AMMECR1: variants seen among roughly 807,000 people sequenced by gnomAD.
The protein encoded by AMMECR1 is AMMECR nuclear protein 1.
AMMECR1 carries 3 observed loss-of-function variants against 22.5 expected under a neutral mutation model. The observed-to-expected ratio is 0.13, with a 90% CI of 0.06 to 0.35. The LOEUF (loss-of-function observed/expected upper bound fraction) is 0.35, where lower values mean the gene tolerates loss of function less well. Ranked by LOEUF, AMMECR1 falls within the 10% of genes least tolerant of loss-of-function variation. The probability of loss-of-function intolerance (pLI) is 1.00; values close to 1 mark genes in which losing one functional copy is unlikely to be tolerated. For missense variants in AMMECR1, 235 were observed against 278.7 expected, an observed-to-expected ratio of 0.84 and a Z score of 1.12; for synonymous variants, 130 against 116.7, an observed-to-expected ratio of 1.11 and a Z score of -0.74.
chrX:110,271,741 C>T (rs767363007), intron 1 of AMMECR1, among the ~76,000 whole-genome samples: 1 of 111,110 alleles, frequency 9.0e-6, no homozygotes, highest in South Asian at 3.8e-4. Context: ...GGAAAAATAG[C>T]TGTGGGTTTT....
At chrX:110,204,321 A>G (rs769055685) in intron 3 of AMMECR1, among the ~76,000 whole-genome samples, 3 of 111,661 alleles carry the variant, frequency 2.7e-5, no homozygotes, top group Non-Finnish European at 5.7e-5. Context: ...AAAACCCGTC[A>G]TGTTAAAATT....
At chrX:110,285,727 GGTA>G (rs1030596012) in intron 1 of AMMECR1, among the ~76,000 whole-genome samples, 1 of 111,358 alleles carries the variant, frequency 9.0e-6, no homozygotes, top group African/African-American at 3.3e-5. Flanking sequence ...CTCAATACAT[GGTA>G]GTAGTAGTAG....
intron 2 of AMMECR1, among the ~76,000 whole-genome samples, chrX:110,400,430 T>C (rs2068556481): frequency 9.1e-6 from 1 of 109,576 alleles, no homozygotes; most frequent in Non-Finnish European, 1.9e-5. Context: ...CCATGCCATA[T>C]TGGTTATCAT....
intron 2 of AMMECR1, among the ~76,000 whole-genome samples, chrX:110,345,197 C>G (rs1212128414): frequency 2.7e-5 from 3 of 111,229 alleles, no homozygotes; most frequent in Non-Finnish European, 5.7e-5. Context: ...CCTTTGTAGG[C>G]ACATGGATGA....
intron 1 of AMMECR1, among the ~76,000 whole-genome samples, chrX:110,292,118 A>G (rs773766245): frequency 8.9e-6 from 1 of 112,326 alleles, no homozygotes; most frequent in South Asian, 3.7e-4. Flanking sequence ...TTGCTGCACT[A>G]TTTTTGTAAC....
chrX:110,376,798 G>T (rs2068379794), intron 2 of AMMECR1, among the ~76,000 whole-genome samples: 1 of 112,429 alleles, frequency 8.9e-6, no homozygotes, highest in African/African-American at 3.2e-5. Context: ...CTGCCTTGCA[G>T]AGGTGTGGGG....
intron 1 of AMMECR1, among the ~76,000 whole-genome samples, chrX:110,438,319 A>G (rs927823405): frequency 3.6e-5 from 4 of 111,863 alleles, no homozygotes; most frequent in African/African-American, 1.3e-4. Flanking sequence ...GGATGGAGAG[A>G]TTGGAAAGGC....
intron 1 of AMMECR1, among the ~76,000 whole-genome samples, chrX:110,428,101 C>T (rs1054006925): frequency 1.1e-4 from 12 of 112,244 alleles, no homozygotes; most frequent in African/African-American, 3.6e-4. Flanking sequence ...GAGCTAGGAT[C>T]CCCACCTGGC....
intron 2 of AMMECR1, among the ~76,000 whole-genome samples, chrX:110,238,563 T>C (rs766350019): frequency 6.2e-5 from 7 of 112,025 alleles, no homozygotes; most frequent in Non-Finnish European, 1.1e-4. Flanking sequence ...GACTTTCAGA[T>C]AAAAATCCTA....
At chrX:110,301,959 T>C (rs1217472114) in intron 1 of AMMECR1, among the ~76,000 whole-genome samples, 1 of 111,820 alleles carries the variant, frequency 8.9e-6, no homozygotes, top group Non-Finnish European at 1.9e-5. Context: ...CAAATAATTT[T>C]TCAAGCATTC....
intron 1 of AMMECR1, among the ~76,000 whole-genome samples, chrX:110,296,926 T>C (rs2067939294): frequency 9.0e-6 from 1 of 111,320 alleles, no homozygotes; most frequent in African/African-American, 3.3e-5. Flanking sequence ...AGTTTACTGT[T>C]GGTTTTAATT....
intron 2 of AMMECR1, among the ~76,000 whole-genome samples, chrX:110,382,442 G>C (rs1309211795): frequency 9.0e-6 from 1 of 111,313 alleles, no homozygotes; most frequent in East Asian, 2.8e-4. Context: ...AAGAGCAGAA[G>C]AGAAACTAAA....
intron 2 of AMMECR1, among the ~76,000 whole-genome samples, chrX:110,261,815 A>G: frequency 9.0e-6 from 1 of 111,676 alleles, no homozygotes; most frequent in East Asian, 2.8e-4. Context: ...AAACATAAAT[A>G]ATCAGAAAAT....
chrX:110,408,037 G>A (rs991365833), intron 2 of AMMECR1, among the ~76,000 whole-genome samples: 6 of 112,721 alleles, frequency 5.3e-5, no homozygotes, highest in African/African-American at 1.9e-4. Flanking sequence ...TGTTGGGATG[G>A]AGCAGGAAAC....
At chrX:110,279,957 C>A (rs1381936240) in intron 1 of AMMECR1, among the ~76,000 whole-genome samples, 1 of 111,477 alleles carries the variant, frequency 9.0e-6, no homozygotes, top group Non-Finnish European at 1.9e-5. Flanking sequence ...TATAAAAGGG[C>A]ATTTTTCAAA....
intron 3 of AMMECR1, among the ~76,000 whole-genome samples, chrX:110,203,979 G>A (rs2067409699): frequency 9.0e-6 from 1 of 111,266 alleles, no homozygotes; most frequent in Non-Finnish European, 1.9e-5. Flanking sequence ...CTAAAAATGC[G>A]ACCAGGGTAG....
intron 1 of AMMECR1, among the ~76,000 whole-genome samples, chrX:110,293,377 C>T (rs1424666909): frequency 9.0e-6 from 1 of 111,701 alleles, no homozygotes; most frequent in East Asian, 2.8e-4. Context: ...TATTTTCCTT[C>T]ATCTAGTTTA....
In AMMECR1 at chrX:110,317,856, G is replaced by A. The variant is rs772546811; in HGVS notation, c.216C>T (p.Pro72=). The A allele has an allele frequency of 2.6e-6, 3 of 1,176,046 alleles. No homozygotes were observed. The highest frequency in any genetic ancestry group is 3.4e-6 in the Non-Finnish European group (3 of 877,584). Reference sequence around the variant, plus strand: ...CGCCGCCGCCGCCGCAGCCCTGGGGGGGAGAGAGGGTACAGCCGCTGCCGC... The same window carrying A: ...CGCCGCCGCCGCCGCAGCCCTGGGGAGGAGAGAGGGTACAGCCGCTGCCGC... ...GGSGSGCTLS[P]PQGCGGGGGG... is the part of the protein sequence containing the mutation. Residue 72 remains proline (P), a synonymous_variant, in exon 1 of 6, where the codon CCC becomes CCT. Coordinates refer to ENST00000262844, the MANE Select transcript of AMMECR1 (RefSeq NM_015365.3).
chrX:110,280,539 G>C (rs1295397885), intron 1 of AMMECR1, among the ~76,000 whole-genome samples: 1 of 111,461 alleles, frequency 9.0e-6, no homozygotes, highest in Non-Finnish European at 1.9e-5. Flanking sequence ...CACCCTTATT[G>C]AAAGGATTAA....
Sources: allele counts gnomAD v4.1 joint callset (sites outside exome capture counted in the v4.1 genomes callset), GRCh38; gene constraint gnomAD v4.1.1; transcripts MANE v1.5; gene names NCBI Gene and HGNC (gene_info 2026-07-23, HGNC 2026-07-21).